MYL1: variants seen among roughly 807,000 people sequenced by gnomAD.
MYL1 encodes the protein myosin light chain 1/3, skeletal muscle isoform.
MYL1 carries 16 observed loss-of-function variants against 21.8 expected under a neutral mutation model. That is an observed-to-expected ratio of 0.74 (90% CI 0.50 to 1.12). The LOEUF is 1.12. MYL1 is among the 50% of genes most tolerant of loss of function. MYL1 has a pLI of 0.00. For synonymous variants in MYL1, 99 were observed against 85.2 expected, an observed-to-expected ratio of 1.16 and a Z score of -0.89; for missense variants, 246 against 241.0, an observed-to-expected ratio of 1.02 and a Z score of -0.14.
intron 1 of MYL1, chr2:210,303,434 A>G: frequency 1.0e-6 from 1 of 982,862 alleles, no homozygotes; most frequent in Non-Finnish European, 1.5e-6. Flanking sequence ...CTCATATTGA[A>G]TATGTTCTCT....
intron 3 of MYL1, among the ~76,000 whole-genome samples, chr2:210,296,465 T>A (rs1039965564): frequency 2.0e-5 from 3 of 152,086 alleles, no homozygotes; most frequent in Admixed American, 6.5e-5. Flanking sequence ...AAGATAGATG[T>A]TTGGTAAGTT....
intron 1 of MYL1, chr2:210,302,784 A>G: frequency 1.3e-6 from 2 of 1,564,536 alleles, no homozygotes; most frequent in Non-Finnish European, 1.7e-6. Flanking sequence ...TCTGGTCAGC[A>G]CTGAAGGACT....
chr2:210,303,394 T>G, intron 1 of MYL1: 1 of 577,758 alleles, frequency 1.7e-6, no homozygotes, highest in Non-Finnish European at 2.8e-6. Flanking sequence ...TTAATGGATC[T>G]CAACAAAACC....
chr2:210,295,759 G>A (rs1690163670), intron 3 of MYL1, among the ~76,000 whole-genome samples: 1 of 151,454 alleles, frequency 6.6e-6, no homozygotes, highest in African/African-American at 2.4e-5. Flanking sequence ...GGGAGGTTAA[G>A]GCTTGCAGTG....
In MYL1 at chr2:210,293,706, G is replaced by A; in HGVS notation, c.556+17C>T. 6.2e-7 allele frequency: 1 copy of A among 1,611,828 alleles called. No individual in the cohort carries two copies. Among genetic ancestry groups the A allele is most frequent in the African/African-American group, 1.3e-5 (1 of 74,996 alleles). ...CAGTTAAGAGTTGCTGTAACCACCAGTGAGCATTGATTCTACCTTCGTAGT... is the reference window on the plus strand; with the variant it reads ...CAGTTAAGAGTTGCTGTAACCACCAATGAGCATTGATTCTACCTTCGTAGT... On this transcript the variant is annotated intron_variant, in intron 5 of 6. Coordinates refer to ENST00000352451, the MANE Select transcript of MYL1 (RefSeq NM_079420.3).
intron 2 of MYL1, among the ~76,000 whole-genome samples, chr2:210,298,850 C>A (rs2063311): frequency 0.47 from 70,888 of 151,544 alleles, 16,680 homozygotes; most frequent in Middle Eastern, 0.62. Context: ...CCTTTACCTG[C>A]CTGGAAACCT....
chr2:210,301,604 C>G (rs1690266379), intron 2 of MYL1, among the ~76,000 whole-genome samples: 1 of 151,990 alleles, frequency 6.6e-6, no homozygotes, highest in African/African-American at 2.4e-5. Context: ...CTCCTTCCAT[C>G]TATAGGTTTA....
In MYL1 at chr2:210,298,537, C is replaced by A. The variant is rs761037368; in HGVS notation, c.187G>T (p.Asp63Tyr). ...DEFKEAFLLF[D>Y]RTGDSKITLS... ...GTGATCTTGGAATCACCTGTTCTGT[C>A]AAACAGGAGAAATGCCTCCTTGAAT... Residue 63 changes from aspartate (D) to tyrosine (Y), a missense_variant, in exon 3 of 7, where the codon GAC becomes TAC. Asp to Tyr is a radical substitution (Grantham distance 160, BLOSUM62 -3). Transcript: ENST00000352451. 3.7e-6 allele frequency: 6 copies of A among 1,614,074 alleles called. No individual in the cohort carries two copies. The South Asian group carries it at 6.6e-5, about 18-fold the overall frequency.
At chr2:210,292,666 G>A (rs1327994795) in intron 5 of MYL1, among the ~76,000 whole-genome samples, 2 of 151,862 alleles carry the variant, frequency 1.3e-5, no homozygotes, top group African/African-American at 2.4e-5. Context: ...ATGCCGTCTG[G>A]TTTTTGTGTC....
intron 3 of MYL1, 81 bp downstream of exon 3, chr2:210,298,339 T>TACAC (rs112894708): frequency 0.02 from 24,104 of 1,176,114 alleles, 53 homozygotes; most frequent in Middle Eastern, 0.039. Context: ...ACACACATAC[T>TACAC]ACACACACAC....
chr2:210,291,157 C>G, intron 5 of MYL1, 83 bp from the exon 6 acceptor site: 1 of 1,076,868 alleles, frequency 9.3e-7, no homozygotes, highest in Non-Finnish European at 1.4e-6. Flanking sequence ...AATGAGTTAG[C>G]TCAATCCTAT....
intron 1 of MYL1, among the ~76,000 whole-genome samples, chr2:210,308,643 T>C (rs1456902714): frequency 2.0e-5 from 3 of 151,522 alleles, no homozygotes; most frequent in Non-Finnish European, 4.4e-5. Context: ...AACTCAACTA[T>C]TAAAACAAAA....
At chr2:210,292,319 T>C (rs1246285398) in intron 5 of MYL1, among the ~76,000 whole-genome samples, 1 of 152,302 alleles carries the variant, frequency 6.6e-6, no homozygotes, top group Admixed American at 6.5e-5. Context: ...GTGATCTACC[T>C]ACCTGGGCCT....
chr2:210,303,587 T>C (rs1467068036), intron 1 of MYL1: 1 of 1,606,748 alleles, frequency 6.2e-7, no homozygotes. Flanking sequence ...AGCTGAAGAG[T>C]GAGTTGAGGG....
At chr2:210,313,510 CT>C (rs1216249436) in intron 1 of MYL1, among the ~76,000 whole-genome samples, 1 of 151,858 alleles carries the variant, frequency 6.6e-6, no homozygotes, top group Non-Finnish European at 1.5e-5. Flanking sequence ...GCATGCAGTC[CT>C]CAAGTTAGAA....
intron 1 of MYL1, among the ~76,000 whole-genome samples, chr2:210,306,589 A>G (rs1474796847): frequency 6.6e-6 from 1 of 152,134 alleles, no homozygotes; most frequent in Non-Finnish European, 1.5e-5. Context: ...TAAATATTTG[A>G]GCACTTTATG....
chr2:210,300,187 T>C (rs62203005), intron 2 of MYL1, among the ~76,000 whole-genome samples: 27,398 of 152,116 alleles, frequency 0.18, 3,150 homozygotes, highest in Admixed American at 0.32. Context: ...AGGCTCACTA[T>C]TACCCTGGTC....
chr2:210,294,558 T>G, intron 3 of MYL1, 140 bp from the exon 4 acceptor site: 1 of 744,538 alleles, frequency 1.3e-6, no homozygotes, highest in Non-Finnish European at 2.1e-6. Context: ...TGCTAAAATA[T>G]CAAGAATATG....
At chr2:210,302,396 A>G in intron 2 of MYL1, 92 bp downstream of exon 2, 1 of 1,176,058 alleles carries the variant, frequency 8.5e-7, no homozygotes, top group Non-Finnish European at 1.2e-6. Context: ...GGGGATAATT[A>G]GGAAGAGCTA....
Sources: allele counts gnomAD v4.1 joint callset (sites outside exome capture counted in the v4.1 genomes callset), GRCh38; gene constraint gnomAD v4.1.1; transcripts MANE v1.5; gene names NCBI Gene and HGNC (gene_info 2026-07-23, HGNC 2026-07-21).